The following DYM variants were observed in gnomAD, a reference collection of about 807,000 sequenced individuals.
The protein encoded by DYM is dyggve-Melchior-Clausen syndrome protein.
A neutral mutation model predicts 93.1 loss-of-function variants in DYM; 78 were observed. The observed-to-expected ratio is 0.84, with a 90% CI of 0.70 to 1.01. DYM has a LOEUF of 1.01. Among genes scored for constraint, DYM ranks in the 50% least tolerant of loss-of-function variants. The pLI is 0.00. For missense variants in DYM, 789 were observed against 845.0 expected (o/e 0.93, Z 0.82); for synonymous variants, 321 against 319.7 (o/e 1.00, Z -0.04).
At chr18:49,449,013 C>T (rs77414810) in intron 1 of DYM, among the ~76,000 whole-genome samples, 2,210 of 152,220 alleles carry the variant, frequency 0.015, 52 homozygotes, top group African/African-American at 0.05. Context: ...TATTTAGGGC[C>T]ACCTCCAACC....
intron 15 of DYM, among the ~76,000 whole-genome samples, chr18:49,129,213 C>CG (rs1568465672): frequency 6.6e-6 from 1 of 151,946 alleles, no homozygotes; most frequent in Non-Finnish European, 1.5e-5. Context: ...GGACAGGGCA[C>CG]GTCACTTTCA....
intron 17 of DYM, among the ~76,000 whole-genome samples, chr18:49,054,356 C>T (rs1447666601): frequency 1.3e-5 from 2 of 152,152 alleles, no homozygotes; most frequent in Non-Finnish European, 2.9e-5. Context: ...ATTCTCCTGC[C>T]TCAGCCTCTC....
At chr18:49,390,035 T>C (rs1335580187) in intron 3 of DYM, among the ~76,000 whole-genome samples, 1 of 152,222 alleles carries the variant, frequency 6.6e-6, no homozygotes, top group Non-Finnish European at 1.5e-5. Flanking sequence ...GCCAGCTCTA[T>C]TTAGCAAAAA....
chr18:49,363,038 T>C (rs538707068), intron 6 of DYM, 123 bp downstream of exon 6: 1 of 761,580 alleles, frequency 1.3e-6, no homozygotes. Context: ...TCTGTGGATA[T>C]AGAATCCTTA....
chr18:49,290,221 A>G (rs984681880), intron 8 of DYM, among the ~76,000 whole-genome samples: 2 of 152,160 alleles, frequency 1.3e-5, no homozygotes, highest in African/African-American at 4.8e-5. Flanking sequence ...TGGTTAAACT[A>G]TACCATGGAA....
intron 16 of DYM, among the ~76,000 whole-genome samples, chr18:49,108,445 T>G (rs2081077678): frequency 6.6e-6 from 1 of 152,254 alleles, no homozygotes; most frequent in African/African-American, 2.4e-5. Context: ...CCCAATGAGA[T>G]GAACCCGGTA....
At chr18:49,388,167 A>G (rs1340112831) in intron 3 of DYM, among the ~76,000 whole-genome samples, 1 of 151,994 alleles carries the variant, frequency 6.6e-6, no homozygotes, top group Non-Finnish European at 1.5e-5. Context: ...CCACCTCTAC[A>G]GAAAACTTAA....
At chr18:49,450,695 T>C (rs1052647489) in intron 1 of DYM, among the ~76,000 whole-genome samples, 6 of 152,234 alleles carry the variant, frequency 3.9e-5, no homozygotes, top group Non-Finnish European at 7.3e-5. Context: ...CTTTAAGTTA[T>C]ATTTTGGTGA....
chr18:49,430,553 AT>A, intron 1 of DYM, 106 bp from the exon 2 acceptor site: 1 of 876,230 alleles, frequency 1.1e-6, no homozygotes, highest in Non-Finnish European at 1.7e-6. Context: ...ACATTTCTGT[AT>A]TTATAAATAT....
intron 3 of DYM, among the ~76,000 whole-genome samples, chr18:49,385,515 G>C (rs1485050864): frequency 6.6e-6 from 1 of 152,134 alleles, no homozygotes. Context: ...CACTGACATG[G>C]TGAAACTCCA....
At position 49,041,303 on chromosome 18, in the gene DYM, G is replaced by C. The variant is rs1354263525; in HGVS notation, c.*2752C>G. On this transcript the variant is annotated 3_prime_UTR_variant, in exon 18 of 18. Transcript: ENST00000675505. ...TCTTTTAAAAGTAAATATTGTGGCAGAAGTCTTTGTTGATAAAATGACACA... is the reference window on the plus strand; with the variant it reads ...TCTTTTAAAAGTAAATATTGTGGCACAAGTCTTTGTTGATAAAATGACACA... 3.3e-5 allele frequency among the ~76,000 whole-genome samples: 5 copies of C among 152,226 alleles called. No homozygotes were observed. The highest frequency in any genetic ancestry group is 9.6e-5 in the African/African-American group (4 of 41,470).
intron 2 of DYM, among the ~76,000 whole-genome samples, chr18:49,392,987 T>G (rs964431610): frequency 8.5e-6 from 1 of 118,172 alleles, no homozygotes; most frequent in Admixed American, 9.9e-5. Flanking sequence ...AGAGTCAGAC[T>G]CCATCTCAAA....
At chr18:49,118,239 T>TAAAG in intron 16 of DYM, among the ~76,000 whole-genome samples, 1 of 151,966 alleles carries the variant, frequency 6.6e-6, no homozygotes, top group African/African-American at 2.4e-5. Flanking sequence ...ATCTTGAAAA[T>TAAAG]AAAGATATCT....
chr18:49,107,600 C>T (rs577468021), intron 16 of DYM, among the ~76,000 whole-genome samples: 41 of 152,238 alleles, frequency 2.7e-4, no homozygotes, highest in African/African-American at 9.1e-4. Context: ...GATGTCCTTT[C>T]TGTTTGTTAG....
chr18:49,283,809 C>A (rs2095050137), intron 9 of DYM, among the ~76,000 whole-genome samples: 1 of 152,136 alleles, frequency 6.6e-6, no homozygotes, highest in African/African-American at 2.4e-5. Flanking sequence ...ACAATCCTTG[C>A]CTCTCAGATT....
intron 16 of DYM, among the ~76,000 whole-genome samples, chr18:49,107,026 G>A (rs1288101545): frequency 1.4e-4 from 21 of 152,198 alleles, no homozygotes; most frequent in South Asian, 8.3e-4. Context: ...CATTCTCCCC[G>A]TCACTTTCAG....
intron 15 of DYM, among the ~76,000 whole-genome samples, chr18:49,136,380 ACATGGTT>A (rs1288634728): frequency 6.6e-6 from 1 of 152,186 alleles, no homozygotes; most frequent in Non-Finnish European, 1.5e-5. Context: ...TTTTATGATT[ACATGGTT>A]TTAAAACACA....
intron 8 of DYM, among the ~76,000 whole-genome samples, chr18:49,311,865 T>A (rs1385185175): frequency 6.6e-6 from 1 of 150,394 alleles, no homozygotes; most frequent in African/African-American, 2.5e-5. Context: ...CCCTAGAACT[T>A]AAAGTATAAT....
chr18:49,286,476 T>C lies in DYM; in HGVS notation c.904A>G (p.Asn302Asp), dbSNP rs2059672338. 1 of 1,614,142 alleles carries C rather than the reference T, an allele frequency of 6.2e-7. No individual in the cohort carries two copies. The highest frequency in any genetic ancestry group is 8.5e-7 in the Non-Finnish European group (1 of 1,180,004). The change falls in exon 9 of 18, where the codon AAC becomes GAC. Residue 302 changes from asparagine (N) to aspartate (D), a missense_variant. Asn to Asp is a conservative substitution (Grantham distance 23, BLOSUM62 1). Around this residue, in one of 3 missense-constraint regions of DYM, gnomAD observed 450 missense variants for 436.2 expected, o/e 1.03. Transcript: ENST00000675505. ...ANLTDASDAP[N>D]PYRQAIMSFK... ...GACATAATGGCTTGTCTGTAGGGGT[T>C]TGGCGCATCTGAGGCATCTGTCAGA...
Sources: allele counts gnomAD v4.1 joint callset (sites outside exome capture counted in the v4.1 genomes callset), GRCh38; gene constraint gnomAD v4.1.1; regional missense constraint gnomAD v4.1.1; transcripts MANE v1.5; gene names NCBI Gene and HGNC (gene_info 2026-07-23, HGNC 2026-07-21).